Variants in CNNM2 observed in about 807,000 individuals in gnomAD.
CNNM2 encodes the protein metal transporter CNNM2.
In CNNM2, 12 loss-of-function variants were observed where a neutral mutation model predicts 66.9. That is an observed-to-expected ratio of 0.18 (90% CI 0.11 to 0.29). The LOEUF is 0.29. Among genes scored for constraint, CNNM2 ranks in the 10% least tolerant of loss-of-function variants. CNNM2 has a pLI of 1.00. For missense variants in CNNM2, 705 were observed against 1,167.7 expected, an observed-to-expected ratio of 0.60 and a Z score of 5.77; for synonymous variants, 557 against 501.8, an observed-to-expected ratio of 1.11 and a Z score of -1.47.
At chr10:102,921,632 T>G (rs1845642741) in intron 1 of CNNM2, among the ~76,000 whole-genome samples, 1 of 152,336 alleles carries the variant, frequency 6.6e-6, no homozygotes, top group Non-Finnish European at 1.5e-5. Context: ...ACCACTAAGT[T>G]GTTAATTAGA....
At chr10:102,929,307 T>C (rs919567692) in intron 1 of CNNM2, among the ~76,000 whole-genome samples, 1 of 152,176 alleles carries the variant, frequency 6.6e-6, no homozygotes, top group Non-Finnish European at 1.5e-5. Context: ...GGCTCATGTC[T>C]GTAATCCCAG....
chr10:103,061,693 C>A (rs932559296), intron 4 of CNNM2, among the ~76,000 whole-genome samples: 5 of 152,118 alleles, frequency 3.3e-5, no homozygotes, highest in Non-Finnish European at 5.9e-5. Context: ...ATAATATAAG[C>A]CAATCTCACT....
At chr10:103,064,208 A>G (rs1423104952) in intron 4 of CNNM2, among the ~76,000 whole-genome samples, 1 of 152,244 alleles carries the variant, frequency 6.6e-6, no homozygotes, top group Non-Finnish European at 1.5e-5. Context: ...GTGCTGAGAT[A>G]TTTTAACAAA....
Position 103,011,454 on chromosome 10 carries a change from A to AAAAAT in CNNM2, c.1622-38248_1622-38244dup, listed in dbSNP as rs10665150. On this transcript the variant is annotated intron_variant, in intron 1 of 7. Coordinates refer to ENST00000369878, the MANE Select transcript of CNNM2 (RefSeq NM_017649.5). The stretch of plus-strand genomic sequence containing the variant: ...GGCAACAGAGCAAGACTCCATCTCA[A>AAAAAT]AAAATAAAAGCATTCCATGGCCATT... 0.41 allele frequency among the ~76,000 whole-genome samples: 61,444 copies of AAAAAT among 151,432 alleles called. 12,633 individuals carry two copies. The highest frequency in any genetic ancestry group is 0.56 in the East Asian group (2,851 of 5,132).
chr10:102,979,387 C>T (rs1397847819), intron 1 of CNNM2, among the ~76,000 whole-genome samples: 1 of 152,172 alleles, frequency 6.6e-6, no homozygotes, highest in East Asian at 1.9e-4. Flanking sequence ...ATCTTCAGGC[C>T]TTTGTGCTAG....
At chr10:102,978,703 A>T (rs1205048972) in intron 1 of CNNM2, among the ~76,000 whole-genome samples, 3 of 152,172 alleles carry the variant, frequency 2.0e-5, no homozygotes, top group African/African-American at 7.2e-5. Context: ...ATTTTCGCAA[A>T]CTGGTCATAC....
At chr10:102,927,354 A>G in intron 1 of CNNM2, 1 of 1,614,010 alleles carries the variant, frequency 6.2e-7, no homozygotes, top group African/African-American at 1.3e-5. Flanking sequence ...GAACACACAA[A>G]CAAGAAACCC....
chr10:102,946,716 GT>G (rs1337800203), intron 1 of CNNM2, among the ~76,000 whole-genome samples: 2 of 152,254 alleles, frequency 1.3e-5, no homozygotes, highest in Non-Finnish European at 2.9e-5. Flanking sequence ...CACTTTTAGT[GT>G]TTTCTGTAGC....
At chr10:103,038,206 A>G (rs948714673) in intron 1 of CNNM2, among the ~76,000 whole-genome samples, 1 of 152,146 alleles carries the variant, frequency 6.6e-6, no homozygotes, top group Non-Finnish European at 1.5e-5. Flanking sequence ...GGGTAACCAT[A>G]CCTTTCCCAA....
chr10:102,978,487 A>G (rs1194086150), intron 1 of CNNM2, among the ~76,000 whole-genome samples: 1 of 152,034 alleles, frequency 6.6e-6, no homozygotes, highest in Non-Finnish European at 1.5e-5. Context: ...GCCACTCCAT[A>G]CCATCTCTAC....
chr10:102,928,139 T>C (rs1462130756), intron 1 of CNNM2, among the ~76,000 whole-genome samples: 1 of 152,242 alleles, frequency 6.6e-6, no homozygotes, highest in Non-Finnish European at 1.5e-5. Flanking sequence ...TAAGAATTAT[T>C]GTACTAATAA....
chr10:102,920,558 T>G (rs1465506869), intron 1 of CNNM2, among the ~76,000 whole-genome samples: 1 of 152,158 alleles, frequency 6.6e-6, no homozygotes, highest in Non-Finnish European at 1.5e-5. Flanking sequence ...TGCAGTCCTT[T>G]TTCTCCTCCT....
intron 1 of CNNM2, among the ~76,000 whole-genome samples, chr10:102,925,671 T>C (rs141509345): frequency 2.6e-5 from 4 of 152,336 alleles, no homozygotes; most frequent in East Asian, 1.9e-4. Flanking sequence ...AGCAGCATCA[T>C]TGAAAAAACA....
rs12264456 is a variant in CNNM2, at chr10:103,070,877, C to T, written c.2168-897C>T. ...CCTGGGAGGTGGAGGTTGCAGTGAGCGCAGAGCACGCCACTGTACTCCAGC... is the reference window on the plus strand; with the variant it reads ...CCTGGGAGGTGGAGGTTGCAGTGAGTGCAGAGCACGCCACTGTACTCCAGC... On this transcript the variant is annotated intron_variant, in intron 5 of 7. Transcript: ENST00000369878. Among the ~76,000 whole-genome samples, 15,895 of 152,084 alleles carry T rather than the reference C, an allele frequency of 0.1. 852 individuals are homozygous for T. The highest frequency in any genetic ancestry group is 0.18 in the Middle Eastern group (52 of 292).
intron 1 of CNNM2, among the ~76,000 whole-genome samples, chr10:102,955,585 G>T (rs867717304): frequency 6.6e-6 from 1 of 152,124 alleles, no homozygotes; most frequent in South Asian, 2.1e-4. Context: ...GAGTGAACAG[G>T]CAACCTACAG....
chr10:102,975,469 G>GAAAAAAAAA lies in CNNM2; in HGVS notation c.1621+55379_1621+55387dup, dbSNP rs57482469. ...GAGTGGATTCTGTGGGATGGAATTA[G>GAAAAAAAAA]AAAAAAAAAAAAAAAAAAACAAACC... On this transcript the variant is annotated intron_variant, in intron 1 of 7. Coordinates refer to ENST00000369878, the MANE Select transcript of CNNM2 (RefSeq NM_017649.5). 2.6e-4 allele frequency among the ~76,000 whole-genome samples: 31 copies of GAAAAAAAAA among 119,224 alleles called. 3 individuals are homozygous for GAAAAAAAAA. The highest frequency in any genetic ancestry group is 5.2e-4 in the African/African-American group (16 of 31,010). The allele number at this position is 119,224 out of a possible 152,430, so 78.2% of individuals were successfully genotyped here.
In CNNM2 at chr10:103,087,699, G is replaced by C. The variant is rs759268007; in HGVS notation, c.*10519G>C. ...TGGACAACATCTCCATCTTGAGTGA[G>C]AGTAATTAGTAACTAGGATGACCAC... On this transcript the variant is annotated 3_prime_UTR_variant, in exon 8 of 8. Coordinates refer to ENST00000369878, the MANE Select transcript of CNNM2 (RefSeq NM_017649.5). 6.6e-6 allele frequency: 1 copy of C among 152,216 alleles called. No homozygotes were observed. Among genetic ancestry groups the C allele is most frequent in the Non-Finnish European group, 1.5e-5 (1 of 68,034 alleles). 9.4% of individuals were successfully genotyped at this position (152,216 alleles called of 1,614,324 possible).
intron 1 of CNNM2, among the ~76,000 whole-genome samples, chr10:103,027,140 GC>G (rs1222484770): frequency 1.3e-5 from 2 of 152,098 alleles, no homozygotes; most frequent in African/African-American, 4.8e-5. Flanking sequence ...GTCTTTCTCT[GC>G]TCTGTGCCAA....
At chr10:103,010,761 C>T (rs544415979) in intron 1 of CNNM2, among the ~76,000 whole-genome samples, 36 of 151,550 alleles carry the variant, frequency 2.4e-4, no homozygotes, top group South Asian at 1.0e-3. Context: ...TATAGGCGCC[C>T]GCCACCATGC....
Sources: gnomAD v4.1 joint callset for allele counts (sites outside exome capture counted in the v4.1 genomes callset) on GRCh38, gnomAD v4.1.1 for gene constraint, MANE v1.5 for transcripts, NCBI Gene and HGNC (gene_info 2026-07-23, HGNC 2026-07-21) for gene names.